SPSB4: variants seen among roughly 807,000 people sequenced by gnomAD.
SPSB4 encodes the protein splA/ryanodine receptor domain and SOCS box containing 4.
SPSB4 carries 21 observed loss-of-function variants against 20.9 expected under a neutral mutation model. The observed-to-expected ratio is 1.01, with a 90% confidence interval of 0.71 to 1.45. The LOEUF is 1.45. SPSB4 is among the 40% of genes most tolerant of loss of function. SPSB4 has a pLI of 0.00. For synonymous variants in SPSB4, 207 were observed against 183.8 expected (o/e 1.13, Z -1.02); for missense variants, 399 against 399.2 (o/e 1.00, Z 0.00).
chr3:141,143,134 A>G (rs1939364484), intron 2 of SPSB4, among the ~76,000 whole-genome samples: 1 of 151,514 alleles, frequency 6.6e-6, no homozygotes, highest in Non-Finnish European at 1.5e-5. Context: ...GTCTTTTTAA[A>G]CTGTTGTTGC....
chr3:141,081,732 G>A lies in SPSB4; in HGVS notation c.694+14934G>A, dbSNP rs1223735395. Among the ~76,000 whole-genome samples the A allele has an allele frequency of 2.6e-5, 4 of 152,164 alleles. No individual in the cohort carries two copies. In the East Asian group the frequency reaches 7.7e-4, roughly 29 times the overall value. On this transcript the variant is annotated intron_variant, in intron 2 of 2. Coordinates refer to ENST00000310546, the MANE Select transcript of SPSB4 (RefSeq NM_080862.3). ...TCTGTGTCCTTGGGGACGTCCCTGA[G>A]CCTGCTGAGCCTCCATTTCTTTGTG...
At chr3:141,132,450 G>A in intron 2 of SPSB4, 3 of 191,822 alleles carry the variant, frequency 1.6e-5, no homozygotes, top group Non-Finnish European at 3.3e-5. Flanking sequence ...ACAGGCGTGA[G>A]CCACCGTACC....
At position 141,066,560 on chromosome 3, in the gene SPSB4, C is replaced by T. The variant is rs1389791699; in HGVS notation, c.456C>T (p.Asp152=). ...WDLGRSRLYH[D]GKNQPGVAYP... Reference sequence around the variant, plus strand: ...TGGGCCGCAGCCGCCTCTACCACGACGGCAAGAACCAGCCCGGCGTGGCCT... The same window carrying T: ...TGGGCCGCAGCCGCCTCTACCACGATGGCAAGAACCAGCCCGGCGTGGCCT... The change falls in exon 2 of 3, where the codon GAC becomes GAT. Residue 152 remains aspartate, a synonymous_variant. Coordinates refer to ENST00000310546, the MANE Select transcript of SPSB4 (RefSeq NM_080862.3). The T allele has an allele frequency of 2.0e-6, 3 of 1,534,840 alleles. No individual in the cohort carries two copies. Among genetic ancestry groups the T allele is most frequent in the African/African-American group, 1.4e-5 (1 of 73,364 alleles).
intron 2 of SPSB4, among the ~76,000 whole-genome samples, chr3:141,087,575 A>G (rs1938369113): frequency 6.6e-6 from 1 of 152,162 alleles, no homozygotes; most frequent in South Asian, 2.1e-4. Flanking sequence ...ATCTCATTTG[A>G]TCCTTAAATA....
chr3:141,066,625 C>T lies in SPSB4; in HGVS notation c.521C>T (p.Pro174Leu), dbSNP rs762191453. The change falls in exon 2 of 3, where the codon CCC (proline) becomes CTC (leucine). Residue 174 changes from proline (P) to leucine (L), a missense_variant. Pro to Leu is a moderately conservative substitution (Grantham distance 98). Transcript: ENST00000310546. ...GGGCCCGACGAGGCCTTTGCGCTGC[C>T]CGACTCGCTGCTCGTGGTGCTGGAC... Reference protein sequence around the residue: ...FLGPDEAFALPDSLLVVLDMD... With the variant: ...FLGPDEAFALLDSLLVVLDMD... 3 of 1,607,210 alleles carry T rather than the reference C, an allele frequency of 1.9e-6. No individual in the cohort carries two copies. Among genetic ancestry groups the T allele is most frequent in the Non-Finnish European group, 2.5e-6 (3 of 1,176,894 alleles).
intron 2 of SPSB4, among the ~76,000 whole-genome samples, chr3:141,083,353 A>ACC (rs568057400): frequency 6.6e-6 from 1 of 151,412 alleles, no homozygotes; most frequent in African/African-American, 2.4e-5. Context: ...CCACACTGCC[A>ACC]CCCCCCCACC....
At chr3:141,112,464 T>G (rs1938815218) in intron 2 of SPSB4, among the ~76,000 whole-genome samples, 1 of 150,058 alleles carries the variant, frequency 6.7e-6, no homozygotes, top group South Asian at 2.1e-4. Context: ...GCTAAAACGG[T>G]GAAACCCCGT....
chr3:141,140,096 G>A lies in SPSB4; in HGVS notation c.695-7046G>A, dbSNP rs925199831. 5.9e-5 allele frequency among the ~76,000 whole-genome samples: 9 copies of A among 151,640 alleles called. No homozygotes were observed. The South Asian group carries it at 6.3e-4, about 11-fold the overall frequency. On this transcript the variant is annotated intron_variant, in intron 2 of 2. Transcript: ENST00000310546. ...CATTTCATTCATTTCATCTTCCATC[G>A]CTGATACCCTTTCTTCCAGTTGATC...
At chr3:141,144,286 G>A (rs980732129) in intron 2 of SPSB4, among the ~76,000 whole-genome samples, 1 of 152,190 alleles carries the variant, frequency 6.6e-6, no homozygotes, top group African/African-American at 2.4e-5. Flanking sequence ...ATGAAGTTGA[G>A]CACTTTTACA....
chr3:141,126,077 G>A (rs1267913566), intron 2 of SPSB4, among the ~76,000 whole-genome samples: 1 of 152,174 alleles, frequency 6.6e-6, no homozygotes, highest in East Asian at 1.9e-4. Flanking sequence ...CCAAGTCTTT[G>A]GGGCTCTATG....
At chr3:141,062,631 T>C (rs1937787186) in intron 1 of SPSB4, among the ~76,000 whole-genome samples, 2 of 152,212 alleles carry the variant, frequency 1.3e-5, no homozygotes, top group Non-Finnish European at 2.9e-5. Context: ...TGGATTTCTT[T>C]TTTGATCTGA....
intron 2 of SPSB4, among the ~76,000 whole-genome samples, chr3:141,139,873 GT>G (rs1939294556): frequency 6.6e-6 from 1 of 152,154 alleles, no homozygotes. Context: ...GAATTCGAAT[GT>G]TGGCCTGCCT....
chr3:141,059,381 A>G (rs1267316304), intron 1 of SPSB4, among the ~76,000 whole-genome samples: 2 of 151,988 alleles, frequency 1.3e-5, no homozygotes, highest in Non-Finnish European at 2.9e-5. Context: ...CAGGCTTTAC[A>G]GGAAGCACGG....
At position 141,147,463 on chromosome 3, in the gene SPSB4, C is replaced by T. The variant is rs1278112221; in HGVS notation, c.*194C>T. ...GTCTCTTGCCAACAGTATCTACTGC[C>T]CTCGAGGCAGCCCTCCCAAGTCAGA... On this transcript the variant is annotated 3_prime_UTR_variant, in exon 3 of 3. Coordinates refer to ENST00000310546, the MANE Select transcript of SPSB4 (RefSeq NM_080862.3). The T allele has an allele frequency of 3.4e-6, 3 of 886,596 alleles. No individual in the cohort carries two copies. Among genetic ancestry groups the T allele is most frequent in the Non-Finnish European group, 4.9e-6 (3 of 607,944 alleles). 54.9% of individuals were successfully genotyped at this position (886,596 alleles called of 1,614,324 possible). A position where few individuals can be genotyped will look rare whatever the true frequency, so the allele number is the denominator to read the frequency against.
At chr3:141,119,569 G>A (rs913375634) in intron 2 of SPSB4, among the ~76,000 whole-genome samples, 33 of 152,166 alleles carry the variant, frequency 2.2e-4, no homozygotes, top group South Asian at 8.3e-4. Flanking sequence ...GTCTTGTGCC[G>A]GTTTTCAAAG....
intron 1 of SPSB4, among the ~76,000 whole-genome samples, chr3:141,062,134 A>G (rs1382839665): frequency 6.6e-6 from 1 of 152,082 alleles, no homozygotes; most frequent in Non-Finnish European, 1.5e-5. Flanking sequence ...GGTTTCTCAG[A>G]CTTTGGTTCC....
At chr3:141,136,217 TC>T (rs1939225249) in intron 2 of SPSB4, among the ~76,000 whole-genome samples, 1 of 152,186 alleles carries the variant, frequency 6.6e-6, no homozygotes, top group Non-Finnish European at 1.5e-5. Context: ...TTGTTTGAGT[TC>T]TTTGTAGATT....
intron 1 of SPSB4, among the ~76,000 whole-genome samples, chr3:141,052,726 C>T (rs1410848697): frequency 6.6e-6 from 1 of 152,092 alleles, no homozygotes; most frequent in African/African-American, 2.4e-5. Flanking sequence ...ACAAACTTGT[C>T]TATGCTCGGG....
rs567924049 is a variant in SPSB4 at position 141,072,815 on chromosome 3, C to A, written c.694+6017C>A. Among the ~76,000 whole-genome samples the A allele has an allele frequency of 2.6e-5, 4 of 152,284 alleles. No homozygotes were observed. The South Asian group carries it at 8.3e-4, about 32-fold the overall frequency. On this transcript the variant is annotated intron_variant, in intron 2 of 2. Transcript: ENST00000310546. ...AACCCCTCCTGTGTATCTCGGCCCCCCATCCGCTCCTGCTGGCAGCCACTA... is the reference window on the plus strand; with the variant it reads ...AACCCCTCCTGTGTATCTCGGCCCCACATCCGCTCCTGCTGGCAGCCACTA...
Sources: gnomAD v4.1 joint callset for allele counts (sites outside exome capture counted in the v4.1 genomes callset) on GRCh38, gnomAD v4.1.1 for gene constraint, MANE v1.5 for transcripts, NCBI Gene and HGNC (gene_info 2026-07-23, HGNC 2026-07-21) for gene names.